The following RYR1 variants were observed in gnomAD, a reference collection of about 807,000 sequenced individuals.
RYR1 encodes ryanodine receptor 1, also known as central core disease of muscle.
Under a neutral mutation model 583.5 loss-of-function variants are expected in RYR1, and 342 were observed. That is an observed-to-expected ratio of 0.59 (90% CI 0.54 to 0.64). The LOEUF (loss-of-function observed/expected upper bound fraction) is 0.64, where lower values mean the gene tolerates loss of function less well. RYR1 is among the 30% of genes least tolerant of loss of function. The pLI, the probability that RYR1 is intolerant of heterozygous loss-of-function variation, is 0.00. For missense variants in RYR1, 6,032 were observed against 6,917.2 expected, an observed-to-expected ratio of 0.87 and a Z score of 4.54; for synonymous variants, 2,791 against 2,822.5, an observed-to-expected ratio of 0.99 and a Z score of 0.35.
At chr19:38,460,099 T>C (rs1017040671) in intron 19 of RYR1, among the ~76,000 whole-genome samples, 2 of 152,250 alleles carry the variant, frequency 1.3e-5, no homozygotes, top group African/African-American at 4.8e-5. Context: ...TCTGAAGGAC[T>C]GTTCCATGAC....
In RYR1 at chr19:38,587,364, G is replaced by A; in HGVS notation, c.15061G>A (p.Asp5021Asn). 1 of 1,614,026 alleles carries A rather than the reference G, an allele frequency of 6.2e-7. No homozygotes were observed. The highest frequency in any genetic ancestry group is 8.5e-7 in the Non-Finnish European group (1 of 1,179,986). The stretch of plus-strand genomic sequence containing the variant: ...GAAGATGTACCAAGAGAGATGTTGG[G>A]ATTTCTTCCCAGCTGGTGATTGTTT... ...VWKMYQERCW[D>N]FFPAGDCFRK... Residue 5021 changes from aspartate (D) to asparagine (N), a missense_variant, in exon 106 of 106, where the codon GAT (aspartate) becomes AAT (asparagine). Around this residue, in one of 11 missense-constraint regions of RYR1, gnomAD observed 189 missense variants for 350.3 expected, o/e 0.54. Transcript: ENST00000359596.
At chr19:38,443,412 G>C in intron 3 of RYR1, 146 bp from the exon 4 acceptor site, 1 of 704,170 alleles carries the variant, frequency 1.4e-6, no homozygotes, top group Admixed American at 2.1e-5. Context: ...AGTCCTGCAG[G>C]AGTCTGAGCT....
intron 66 of RYR1, among the ~76,000 whole-genome samples, 169 bp from the exon 67 acceptor site, chr19:38,519,045 G>C (rs1005153053): frequency 9.9e-5 from 15 of 152,032 alleles, no homozygotes; most frequent in African/African-American, 3.6e-4. Flanking sequence ...TCAGGTTAGG[G>C]GCTATGGCTG....
rs1568506821 is a variant in RYR1, at chr19:38,502,809, G to GCAGGGGCAGGGA, written c.7836-71_7836-70insCAGGGGCAGGGA. Reference sequence around the variant, plus strand: ...GGCAGGGGCAGGGGCAGGGGCAGGGGGAGGAGCAGGGGCAGGGGCAGCAGA... The same window carrying GCAGGGGCAGGGA: ...GGCAGGGGCAGGGGCAGGGGCAGGGGCAGGGGCAGGGAGAGGAGCAGGGGCAGGGGCAGCAGA... On this transcript the variant is annotated intron_variant, in intron 48 of 105. Coordinates refer to ENST00000359596, the MANE Select transcript of RYR1 (RefSeq NM_000540.3). The GCAGGGGCAGGGA allele has an allele frequency of 2.2e-5, 22 of 991,612 alleles. 1 individual carries two copies. The highest frequency in any genetic ancestry group is 2.7e-5 in the Non-Finnish European group (21 of 768,642). The allele number at this position is 991,612 out of a possible 1,614,324, so 61.4% of individuals were successfully genotyped here.
At chr19:38,460,232 T>TAAATGA in intron 19 of RYR1, 143 bp from the exon 20 acceptor site, 1 of 762,470 alleles carries the variant, frequency 1.3e-6, no homozygotes, top group Non-Finnish European at 2.4e-6. Context: ...CTAAATGACC[T>TAAATGA]CCAGGACACT....
At position 38,561,200 on chromosome 19, in the gene RYR1, T is replaced by A; in HGVS notation, c.12370T>A (p.Cys4124Ser). Residue 4124 changes from cysteine to serine, a missense_variant, in exon 90 of 106, where the codon TGC (cysteine) becomes AGC (serine). Physicochemically the swap from Cys to Ser is moderately radical, Grantham distance 112. This residue lies in a region of RYR1 where 753 missense variants were observed against 759.6 expected (regional missense o/e 0.99). Coordinates refer to ENST00000359596, the MANE Select transcript of RYR1 (RefSeq NM_000540.3). The surrounding 1 kb of genome is among the most constrained non-coding windows in gnomAD (Gnocchi z 4.8). The stretch of plus-strand genomic sequence containing the variant: ...AGCGGATGAGAACGAAATGATCAAC[T>A]GCGAAGAGTTCGCCAACCGCTTCCA... ...SEADENEMINCEEFANRFQEP... is the reference protein window; with the variant it reads ...SEADENEMINSEEFANRFQEP... 6.2e-7 allele frequency: 1 copy of A among 1,614,170 alleles called. No individual in the cohort carries two copies. Among genetic ancestry groups the A allele is most frequent in the Middle Eastern group, 1.6e-4 (1 of 6,062 alleles).
At chr19:38,541,277 A>G (rs1972176945) in intron 84 of RYR1, among the ~76,000 whole-genome samples, 1 of 152,212 alleles carries the variant, frequency 6.6e-6, no homozygotes, top group Admixed American at 6.5e-5. Context: ...AGAAGCACAC[A>G]CTTCTTCTTT....
chr19:38,556,905 G>T (rs1972900669), intron 89 of RYR1, among the ~76,000 whole-genome samples: 1 of 152,054 alleles, frequency 6.6e-6, no homozygotes, highest in Admixed American at 6.6e-5. Flanking sequence ...TGGGTGTAAG[G>T]AGTTTTTTAG....
At chr19:38,522,010 A>G (rs1568533648) in intron 67 of RYR1, among the ~76,000 whole-genome samples, 1 of 152,104 alleles carries the variant, frequency 6.6e-6, no homozygotes, top group Non-Finnish European at 1.5e-5. Context: ...GCCCAGCTGA[A>G]AGAAAAAATT....
intron 83 of RYR1, chr19:38,537,031 A>C: frequency 1.7e-6 from 1 of 582,182 alleles, no homozygotes; most frequent in South Asian, 2.1e-5. Flanking sequence ...TGTGAAGCAG[A>C]AGCTAGAGAA....
chr19:38,572,150 G>A lies in RYR1; in HGVS notation c.13878G>A (p.Glu4626=). ...AGEEAEGDED[E]NMVYYFLEES... is the part of the protein sequence containing the mutation. ...AGGAGGCAGAGGGCGATGAGGATGA[G>A]AACATGGTGTACTACTTCCTGGAGG... Residue 4626 remains glutamate (E), a synonymous_variant, in exon 95 of 106, where the codon GAG becomes GAA. Transcript: ENST00000359596. 6.2e-7 allele frequency: 1 copy of A among 1,614,170 alleles called. No homozygotes were observed. Among genetic ancestry groups the A allele is most frequent in the Non-Finnish European group, 8.5e-7 (1 of 1,180,024 alleles).
chr19:38,466,348 G>A lies in RYR1; in HGVS notation c.3128G>A (p.Arg1043His), dbSNP rs374776563. 83 of 1,588,996 alleles carry A rather than the reference G, an allele frequency of 5.2e-5. No individual in the cohort carries two copies. The highest frequency in any genetic ancestry group is 6.2e-5 in the Non-Finnish European group (73 of 1,169,950). Reference protein sequence around the residue: ...SNRDSLCQAVRTLLGYGYNIE... With the variant: ...SNRDSLCQAVHTLLGYGYNIE... ...CGGGACAGCCTCTGCCAGGCCGTGC[G>A]CACCCTCCTGGGCTACGGCTACAAC... is the stretch of plus-strand genomic sequence containing the variant. The change falls in exon 24 of 106, where the codon CGC becomes CAC. Residue 1043 changes from arginine (R) to histidine (H), a missense_variant. Around this residue, in one of 11 missense-constraint regions of RYR1, gnomAD observed 2,627 missense variants for 2,961.3 expected, o/e 0.89. Transcript: ENST00000359596.
chr19:38,494,301 T>C, intron 38 of RYR1, 51 bp from the exon 39 acceptor site: 1 of 1,609,528 alleles, frequency 6.2e-7, no homozygotes, highest in Non-Finnish European at 8.5e-7. Flanking sequence ...AGGCCCCATG[T>C]GCCGACCTGC....
intron 11 of RYR1, among the ~76,000 whole-genome samples, chr19:38,449,094 C>T (rs1966944562): frequency 6.6e-6 from 1 of 152,052 alleles, no homozygotes; most frequent in Admixed American, 6.6e-5. Context: ...GAGCAGAAAT[C>T]TGTAGACAGA....
intron 13 of RYR1, among the ~76,000 whole-genome samples, chr19:38,453,425 C>T (rs927836171): frequency 1.3e-5 from 2 of 149,208 alleles, no homozygotes; most frequent in Admixed American, 6.7e-5. Flanking sequence ...GGTCTGCTGG[C>T]GCGGGGTCTG....
Position 38,523,197 on chromosome 19 carries a change from A to G in RYR1, c.10348-20A>G. On this transcript the variant is annotated intron_variant, in intron 68 of 105. Transcript: ENST00000359596. ...GCCTGCCTTCACCTGTCCGGTCTGC[A>G]ACACTGCTTCCCCCACCAGAACTTC... 6.2e-7 allele frequency: 1 copy of G among 1,614,170 alleles called. No homozygotes were observed. The highest frequency in any genetic ancestry group is 2.2e-5 in the East Asian group (1 of 44,882).
In RYR1 at chr19:38,485,718, T is replaced by G; in HGVS notation, c.5063T>G (p.Val1688Gly). The change falls in exon 34 of 106, where the codon GTA becomes GGA. Residue 1688 changes from valine to glycine, a missense_variant. Physicochemically the swap from Val to Gly is moderately radical, Grantham distance 109. This residue lies in a region of RYR1 where 2,627 missense variants were observed against 2,961.3 expected (regional missense o/e 0.89). Coordinates refer to ENST00000359596, the MANE Select transcript of RYR1 (RefSeq NM_000540.3). ...NRVAHALCSH[V>G]DQAQLLHALE... ...GTGGCGCACGCTCTGTGCAGCCACG[T>G]AGACCAAGCTCAGCTGCTGCACGCC... is the stretch of plus-strand genomic sequence containing the variant. 6.2e-7 allele frequency: 1 copy of G among 1,612,370 alleles called. No homozygotes were observed. The highest frequency in any genetic ancestry group is 8.5e-7 in the Non-Finnish European group (1 of 1,179,912).
At chr19:38,487,383 G>T (rs1408170680) in intron 34 of RYR1, among the ~76,000 whole-genome samples, 1 of 152,142 alleles carries the variant, frequency 6.6e-6, no homozygotes, top group Non-Finnish European at 1.5e-5. Flanking sequence ...ACAAAGTCTT[G>T]CTCTGTCACC....
rs1400366262 is a variant in RYR1 at position 38,433,749 on chromosome 19, CGCCCCCAGCCCTCCCGCCCAGCCCGCA to C, written c.-74_-48del. On this transcript the variant is annotated 5_prime_UTR_variant, in exon 1 of 106. Coordinates refer to ENST00000359596, the MANE Select transcript of RYR1 (RefSeq NM_000540.3). ...TCTCCAGAGGTCTCCGACCCCAGCC[CGCCCCCAGCCCTCCCGCCCAGCCCGCA>C]GCCCCCTCCCTCTGTTCCCCGACCT... The C allele has an allele frequency of 1.4e-5, 10 of 698,628 alleles. No individual in the cohort carries two copies. Among genetic ancestry groups the C allele is most frequent in the Non-Finnish European group, 2.4e-5 (9 of 382,516 alleles). 43.3% of individuals were successfully genotyped at this position (698,628 alleles called of 1,614,324 possible). A position where few individuals can be genotyped will look rare whatever the true frequency, so the allele number is the denominator to read the frequency against.
Sources: gnomAD v4.1 joint callset for allele counts (sites outside exome capture counted in the v4.1 genomes callset) on GRCh38, gnomAD v4.1.1 for gene constraint, gnomAD v4.1.1 regional missense constraint, Gnocchi (gnomAD v3.1) non-coding constraint, MANE v1.5 for transcripts, NCBI Gene and HGNC (gene_info 2026-07-23, HGNC 2026-07-21) for gene names.